Variants in TTC12 observed in about 807,000 individuals in gnomAD.
TTC12 encodes the protein tetratricopeptide repeat protein 12.
Under a neutral mutation model 90.1 loss-of-function variants are expected in TTC12, and 70 were observed. The ratio of observed to expected loss-of-function variants is 0.78; its 90% CI spans 0.64 to 0.95. The LOEUF is 0.95. Ranked by LOEUF, TTC12 falls within the 40% of genes least tolerant of loss-of-function variation. The pLI is 0.00. For synonymous variants in TTC12, 296 were observed against 311.5 expected (o/e 0.95, Z 0.53); for missense variants, 819 against 846.1 (o/e 0.97, Z 0.40).
At chr11:113,333,352 C>A (rs577100565) in intron 7 of TTC12, among the ~76,000 whole-genome samples, 1 of 152,328 alleles carries the variant, frequency 6.6e-6, no homozygotes, top group East Asian at 1.9e-4. Flanking sequence ...CACTAAGACT[C>A]AGCCCAGATC....
chr11:113,371,376 T>C (rs1950382486), downstream of TTC12: 1 of 152,232 alleles, frequency 6.6e-6, no homozygotes, highest in African/African-American at 2.4e-5. Context: ...ATTTGTATTA[T>C]TTTTTATTGT....
rs782530754 is a variant in TTC12, at chr11:113,352,044, T to C, written c.1309-26T>C. On this transcript the variant is annotated intron_variant, in intron 15 of 21. Coordinates refer to ENST00000529221, the MANE Select transcript of TTC12 (RefSeq NM_017868.4). The stretch of plus-strand genomic sequence containing the variant: ...GCATCCTTTGCCTGCTCTCTGAGGC[T>C]CTGCCTTCTCTCAATTCTCATTTAG... 2.5e-6 allele frequency: 4 copies of C among 1,611,114 alleles called. No homozygotes were observed. The East Asian group carries it at 8.9e-5, about 36-fold the overall frequency.
intron 16 of TTC12, among the ~76,000 whole-genome samples, chr11:113,356,016 G>T (rs1226947909): frequency 3.3e-5 from 5 of 152,136 alleles, no homozygotes; most frequent in Admixed American, 3.3e-4. Context: ...CTATCTCAGT[G>T]ATCTGATATT....
chr11:113,333,298 C>T (rs1257087062), intron 7 of TTC12, among the ~76,000 whole-genome samples: 1 of 152,118 alleles, frequency 6.6e-6, no homozygotes, highest in African/African-American at 2.4e-5. Flanking sequence ...AGGTTCTTGC[C>T]CAGCCCACTC....
At chr11:113,355,675 C>T (rs1949595698) in intron 16 of TTC12, among the ~76,000 whole-genome samples, 1 of 152,140 alleles carries the variant, frequency 6.6e-6, no homozygotes, top group Admixed American at 6.5e-5. Context: ...TATCTTTGTT[C>T]ACATTAGTTT....
chr11:113,338,877 C>T, intron 9 of TTC12, 43 bp downstream of exon 9: 1 of 1,554,382 alleles, frequency 6.4e-7, no homozygotes. Context: ...AACTCCACCT[C>T]CCTCTGCCCC....
chr11:113,326,590 G>A (rs782137715), intron 6 of TTC12, among the ~76,000 whole-genome samples: 2 of 152,180 alleles, frequency 1.3e-5, no homozygotes, highest in African/African-American at 4.8e-5. Context: ...TTCGGAAGCC[G>A]AAACATATGG....
chr11:113,353,816 G>A (rs1555151437), intron 16 of TTC12, among the ~76,000 whole-genome samples: 1 of 152,026 alleles, frequency 6.6e-6, no homozygotes, highest in African/African-American at 2.4e-5. Context: ...TGTTCCATTG[G>A]TCCATGTGTC....
At chr11:113,335,083 A>C in intron 8 of TTC12, 46 bp downstream of exon 8, 1 of 1,359,910 alleles carries the variant, frequency 7.4e-7, no homozygotes, top group Non-Finnish European at 1.1e-6. Flanking sequence ...TCACAGACTG[A>C]TGCTCCCAGT....
intron 18 of TTC12, 22 bp downstream of exon 18, chr11:113,360,030 C>T: frequency 8.1e-7 from 1 of 1,228,536 alleles, no homozygotes; most frequent in Non-Finnish European, 1.1e-6. Flanking sequence ...CCAGGGAAAT[C>T]CAGAAGCAGC....
downstream of TTC12, chr11:113,368,197 G>T (rs1244011816): frequency 6.8e-7 from 1 of 1,475,396 alleles, no homozygotes. Context: ...AGTGCCTGCC[G>T]AGAGCAGTCA....
chr11:113,320,303 C>T (rs1434131616), intron 2 of TTC12, among the ~76,000 whole-genome samples: 4 of 152,148 alleles, frequency 2.6e-5, no homozygotes, highest in African/African-American at 9.7e-5. Flanking sequence ...GCTCCCCTAT[C>T]CTGTGCCCAT....
rs918120347 is a variant in TTC12, at chr11:113,364,761, C to T, written c.1817-74C>T. ...GGTGTCCGCTGACATCTCCCTGCAC[C>T]CCTCATGTCCTGTTGCCAGCCTCCT... is the stretch of plus-strand genomic sequence containing the variant. On this transcript the variant is annotated intron_variant, in intron 20 of 21. Transcript: ENST00000529221. The T allele has an allele frequency of 4.6e-5, 57 of 1,230,008 alleles. No individual in the cohort carries two copies. In the Middle Eastern group the frequency reaches 5.6e-4, roughly 12 times the overall value. The allele number at this position is 1,230,008 out of a possible 1,614,324, so 76.2% of individuals were successfully genotyped here.
At chr11:113,338,439 G>T (rs1305642844) in intron 8 of TTC12, among the ~76,000 whole-genome samples, 1 of 152,034 alleles carries the variant, frequency 6.6e-6, no homozygotes, top group Non-Finnish European at 1.5e-5. Context: ...TCCTTTCTCA[G>T]TGCAAATATC....
At chr11:113,329,278 T>C (rs1436716722) in intron 6 of TTC12, among the ~76,000 whole-genome samples, 1 of 152,240 alleles carries the variant, frequency 6.6e-6, no homozygotes, top group African/African-American at 2.4e-5. Flanking sequence ...CTGTCTTTTT[T>C]ATCCCCTTTA....
rs1948624289 is a variant in TTC12, at chr11:113,340,561, G to A, written c.827-103G>A. ...GCCAAACCATTCACGTGGGTACCGT[G>A]GCATTCCATATTAGGTTTCTCATTA... On this transcript the variant is annotated intron_variant, in intron 10 of 21. Coordinates refer to ENST00000529221, the MANE Select transcript of TTC12 (RefSeq NM_017868.4). 3.7e-6 allele frequency: 3 copies of A among 807,648 alleles called. No homozygotes were observed. In the Admixed American group the frequency reaches 5.3e-5, roughly 14 times the overall value. The allele number at this position is 807,648 out of a possible 1,614,324, so 50.0% of individuals were successfully genotyped here. A position where few individuals can be genotyped will look rare whatever the true frequency, so the allele number is the denominator to read the frequency against.
At chr11:113,362,771 A>G (rs1476279149) in intron 19 of TTC12, among the ~76,000 whole-genome samples, 1 of 152,230 alleles carries the variant, frequency 6.6e-6, no homozygotes, top group African/African-American at 2.4e-5. Context: ...TTAAAAATAT[A>G]TGGCCACTGT....
At chr11:113,361,531 A>G (rs1949922228) in intron 18 of TTC12, among the ~76,000 whole-genome samples, 1 of 152,186 alleles carries the variant, frequency 6.6e-6, no homozygotes, top group South Asian at 2.1e-4. Flanking sequence ...CCGATACAAC[A>G]GAGAGCAGAA....
intron 4 of TTC12, 111 bp from the exon 5 acceptor site, chr11:113,324,494 G>T (rs1555140123): frequency 1.4e-6 from 1 of 730,262 alleles, no homozygotes; most frequent in East Asian, 2.7e-5. Flanking sequence ...GTGTGTGCCT[G>T]TGTGCATATG....
Sources: allele counts gnomAD v4.1 joint callset (sites outside exome capture counted in the v4.1 genomes callset), GRCh38; gene constraint gnomAD v4.1.1; transcripts MANE v1.5; gene names NCBI Gene and HGNC (gene_info 2026-07-23, HGNC 2026-07-21).